The following FHL1 variants were observed in gnomAD, a reference collection of about 807,000 sequenced individuals.
FHL1 encodes the protein four and a half LIM domains 1, also known as four and a half LIM domains protein 1.
FHL1 carries 1 observed loss-of-function variant against 20.3 expected under a neutral mutation model. That is an observed-to-expected ratio of 0.05 (90% CI 0.02 to 0.23). FHL1 has a LOEUF of 0.23. FHL1 is among the 10% of genes least tolerant of loss of function. FHL1 has a pLI of 1.00. For synonymous variants in FHL1, 82 were observed against 88.9 expected, an observed-to-expected ratio of 0.92 and a Z score of 0.44; for missense variants, 177 against 234.0, an observed-to-expected ratio of 0.76 and a Z score of 1.59.
intron 2 of FHL1, among the ~76,000 whole-genome samples, chrX:136,186,868 AT>A (rs2073308697): frequency 1.2e-4 from 1 of 8,189 alleles, no homozygotes; most frequent in African/African-American, 1.5e-4. Flanking sequence ...AAAAAAAAAT[AT>A]ATATATATAT....
Position 136,210,075 on chromosome X carries a change from G to A in FHL1, c.*50G>A. On this transcript the variant is annotated 3_prime_UTR_variant, in exon 6 of 6. Coordinates refer to ENST00000370683, the MANE Select transcript of FHL1 (RefSeq NM_001159699.2). ...AAATGGCATTTGAATCTCGTTCTTTGTGTCCTTACTTTCTGCCCTATACCA... is the reference window on the plus strand; with the variant it reads ...AAATGGCATTTGAATCTCGTTCTTTATGTCCTTACTTTCTGCCCTATACCA... 1 of 1,206,314 alleles carries A rather than the reference G, an allele frequency of 8.3e-7. No individual in the cohort carries two copies. Among genetic ancestry groups the A allele is most frequent in the Non-Finnish European group, 1.1e-6 (1 of 890,905 alleles).
At position 136,200,579 on chromosome X, in the gene FHL1, G is replaced by A. The variant is rs767818527; in HGVS notation, c.22+3445G>A. Among the ~76,000 whole-genome samples the A allele has an allele frequency of 7.1e-5, 8 of 112,130 alleles. No individual in the cohort carries two copies. The East Asian group carries it at 2.2e-3, about 31-fold the overall frequency. On this transcript the variant is annotated intron_variant, in intron 1 of 5. Transcript: ENST00000370683. ...CCAAAGTTTTAGAAACTTAGTTGTG[G>A]TAACATATCTCCATCTGTCAATCAA...
chrX:136,185,643 T>C (rs760330614), intron 2 of FHL1, among the ~76,000 whole-genome samples: 1 of 111,901 alleles, frequency 8.9e-6, no homozygotes, highest in Non-Finnish European at 1.9e-5. Flanking sequence ...TGGCTTCAAT[T>C]AGTTATGTGA....
intron 2 of FHL1, among the ~76,000 whole-genome samples, chrX:136,172,755 C>T (rs1176022100): frequency 1.8e-5 from 2 of 112,145 alleles, no homozygotes; most frequent in Non-Finnish European, 3.8e-5. Context: ...TTTTTTGAGA[C>T]GGAGTCTCAC....
chrX:136,198,928 G>C (rs2073630740), intron 1 of FHL1, among the ~76,000 whole-genome samples: 1 of 111,396 alleles, frequency 9.0e-6, no homozygotes, highest in South Asian at 3.8e-4. Flanking sequence ...CTCAGGGCAG[G>C]GATGGAAAAT....
chrX:136,155,010 A>T (rs1007879354), intron 1 of FHL1, among the ~76,000 whole-genome samples: 1 of 112,311 alleles, frequency 8.9e-6, no homozygotes, highest in African/African-American at 3.2e-5. Flanking sequence ...CCCGGCCTTA[A>T]TCTGGCATTC....
chrX:136,201,451 A>G (rs770949245), intron 1 of FHL1, among the ~76,000 whole-genome samples: 6 of 109,804 alleles, frequency 5.5e-5, no homozygotes, highest in African/African-American at 2.0e-4. Context: ...GCAGTAGAGC[A>G]TTCCCAGAGG....
At chrX:136,165,124 C>A (rs878859875), upstream of FHL1, among the ~76,000 whole-genome samples, 1 of 111,753 alleles carries the variant, frequency 8.9e-6, no homozygotes, top group African/African-American at 3.2e-5. Flanking sequence ...TATAAGGACA[C>A]AAAACTGGAC....
At position 136,208,456 on chromosome X, in the gene FHL1, C is replaced by T. The variant is rs753677369; in HGVS notation, c.551C>T (p.Ala184Val). 2 of 1,211,607 alleles carry T rather than the reference C, an allele frequency of 1.7e-6. No individual in the cohort carries two copies. Among genetic ancestry groups the T allele is most frequent in the South Asian group, 1.8e-5 (1 of 56,972 alleles). Residue 184 changes from alanine to valine, a missense_variant and splice_region_variant, in exon 5 of 6, where the codon GCC becomes GTC. By Grantham distance (64) the Ala-to-Val change is moderately conservative. Transcript: ENST00000370683. ...CCGGTGCTACACTCCCTGGTCTAGG[C>T]CATCACATCTGGAGGAATCACTTAC... ...FAKHCVKCNKAITSGGITYQD... is the reference protein window; with the variant it reads ...FAKHCVKCNKVITSGGITYQD...
intron 1 of FHL1, among the ~76,000 whole-genome samples, chrX:136,151,643 G>A (rs1472079948): frequency 8.9e-6 from 1 of 112,150 alleles, no homozygotes; most frequent in African/African-American, 3.2e-5. Context: ...GACCCAGGAG[G>A]CGGAGGTTGC....
intron 2 of FHL1, among the ~76,000 whole-genome samples, chrX:136,188,593 C>T (rs976308988): frequency 9.2e-4 from 102 of 111,010 alleles, no homozygotes; most frequent in African/African-American, 3.0e-3. Context: ...CTAAGAGGTC[C>T]GGGGTTTCTT....
At chrX:136,178,407 A>G (rs2073061293) in intron 2 of FHL1, among the ~76,000 whole-genome samples, 1 of 111,965 alleles carries the variant, frequency 8.9e-6, no homozygotes, top group Non-Finnish European at 1.9e-5. Flanking sequence ...ACTGAAGGAT[A>G]CCTAATTATT....
At chrX:136,158,292 T>C (rs1273813696) in intron 1 of FHL1, among the ~76,000 whole-genome samples, 1 of 112,253 alleles carries the variant, frequency 8.9e-6, no homozygotes, top group East Asian at 2.8e-4. Flanking sequence ...GAACTAATAA[T>C]TATTGAGCAA....
At chrX:136,169,966 C>T in exon 2 of FHL1, 1 of 330,912 alleles carries the variant, frequency 3.0e-6, no homozygotes, top group South Asian at 2.6e-5. Flanking sequence ...CTATCTGCCA[C>T]ACATCCAGCG....
Position 136,207,089 on chromosome X carries a change from A to G in FHL1, c.278A>G (p.Asn93Ser), listed in dbSNP as rs761300463. 4.0e-5 allele frequency: 48 copies of G among 1,210,223 alleles called. No homozygotes were observed. The highest frequency in any genetic ancestry group is 2.4e-4 in the African/African-American group (14 of 57,309). Residue 93 changes from asparagine to serine, a missense_variant, in exon 3 of 6, where the codon AAT (asparagine) becomes AGT (serine). Physicochemically the swap from Asn to Ser is conservative, Grantham distance 46 (BLOSUM62 1). Transcript: ENST00000370683. ...GCCAAGTGCCTTCACCCCTTGGCCA[A>G]TGAGACCTTTGTGGCCAAGGACAAC... ...RCAKCLHPLA[N>S]ETFVAKDNKI...
intron 1 of FHL1, among the ~76,000 whole-genome samples, chrX:136,202,178 G>A (rs754576131): frequency 1.0e-4 from 11 of 110,409 alleles, no homozygotes; most frequent in African/African-American, 2.6e-4. Context: ...CAGCCTGCCC[G>A]ACATGGCGAA....
upstream of FHL1, chrX:136,196,846 T>A: frequency 8.6e-7 from 1 of 1,167,032 alleles, no homozygotes; most frequent in Non-Finnish European, 1.1e-6. Flanking sequence ...CTAATTTGGA[T>A]GCTGAGTAGC....
intron 1 of FHL1, among the ~76,000 whole-genome samples, chrX:136,159,133 A>C (rs2072497868): frequency 1.7e-5 from 1 of 57,164 alleles, no homozygotes; most frequent in African/African-American, 4.8e-5. Flanking sequence ...TAAACCTAAA[A>C]CTGCTAAAAA....
chrX:136,202,366 A>G, intron 1 of FHL1, among the ~76,000 whole-genome samples: 1 of 111,199 alleles, frequency 9.0e-6, no homozygotes, highest in Admixed American at 9.5e-5. Context: ...CCCTGTCTCA[A>G]CAACAACAAA....
Sources: gnomAD v4.1 joint callset for allele counts (sites outside exome capture counted in the v4.1 genomes callset) on GRCh38, gnomAD v4.1.1 for gene constraint, MANE v1.5 for transcripts, NCBI Gene and HGNC (gene_info 2026-07-23, HGNC 2026-07-21) for gene names.